ACBD6: variants seen among roughly 807,000 people sequenced by gnomAD.
ACBD6 encodes acyl-CoA binding domain containing 6.
In ACBD6, 28 loss-of-function variants were observed where a neutral mutation model predicts 37.2. The observed-to-expected ratio is 0.75, with a 90% CI of 0.56 to 1.03. The LOEUF is 1.03. ACBD6 is among the 50% of genes least tolerant of loss of function. ACBD6 has a pLI of 0.00. For synonymous variants in ACBD6, 113 were observed against 126.8 expected (o/e 0.89, Z 0.73); for missense variants, 340 against 337.4 (o/e 1.01, Z -0.06).
intron 1 of ACBD6, among the ~76,000 whole-genome samples, chr1:180,498,144 C>A (rs1651806420): frequency 6.6e-6 from 1 of 152,140 alleles, no homozygotes; most frequent in African/African-American, 2.4e-5. Flanking sequence ...TAACAGCAAA[C>A]GTTCACATTC....
intron 7 of ACBD6, among the ~76,000 whole-genome samples, chr1:180,292,379 CTT>C: frequency 6.6e-6 from 1 of 152,212 alleles, no homozygotes; most frequent in South Asian, 2.1e-4. Flanking sequence ...AAATCTTACT[CTT>C]ATTTTGTTTG....
intron 6 of ACBD6, among the ~76,000 whole-genome samples, chr1:180,353,793 A>AAAAT: frequency 6.7e-6 from 1 of 148,854 alleles, no homozygotes; most frequent in Non-Finnish European, 1.5e-5. Context: ...CACAAAAAAA[A>AAAAT]AAAAAAAAAA....
chr1:180,411,475 T>TGATC (rs1647854184), intron 5 of ACBD6, among the ~76,000 whole-genome samples: 1 of 152,152 alleles, frequency 6.6e-6, no homozygotes, highest in South Asian at 2.1e-4. Flanking sequence ...ACTACCACTG[T>TGATC]GATCGGTCAG....
intron 3 of ACBD6, among the ~76,000 whole-genome samples, chr1:180,436,110 C>T (rs1370233032): frequency 6.6e-6 from 1 of 152,144 alleles, no homozygotes; most frequent in African/African-American, 2.4e-5. Flanking sequence ...TTCAGAGGTA[C>T]AGAAGAAAAC....
chr1:180,300,374 T>C (rs1650084485), intron 7 of ACBD6, among the ~76,000 whole-genome samples: 1 of 152,194 alleles, frequency 6.6e-6, no homozygotes, highest in Non-Finnish European at 1.5e-5. Context: ...TGGCATATAA[T>C]AGGTGCTTAA....
chr1:180,425,013 C>T (rs1032434050), intron 4 of ACBD6, among the ~76,000 whole-genome samples: 7 of 152,156 alleles, frequency 4.6e-5, no homozygotes, highest in Non-Finnish European at 1.0e-4. Context: ...ATTATCTCTT[C>T]GCTTTAATCG....
intron 6 of ACBD6, among the ~76,000 whole-genome samples, chr1:180,364,021 T>C (rs574518022): frequency 6.6e-6 from 1 of 152,196 alleles, no homozygotes; most frequent in South Asian, 2.1e-4. Flanking sequence ...AAGATGTGTC[T>C]AAGCCTTTTT....
chr1:180,281,736 T>C (rs1233248860), intron 8 of ACBD6, among the ~76,000 whole-genome samples: 4 of 152,156 alleles, frequency 2.6e-5, no homozygotes, highest in Non-Finnish European at 5.9e-5. Flanking sequence ...CAGCCACTAC[T>C]GTGGAGAAGT....
chr1:180,381,446 A>G (rs1269205945), intron 6 of ACBD6, among the ~76,000 whole-genome samples: 3 of 152,240 alleles, frequency 2.0e-5, no homozygotes, highest in Non-Finnish European at 4.4e-5. Flanking sequence ...AAAATTCTCC[A>G]GGACAGACCA....
At chr1:180,383,382 C>T (rs536221848) in intron 6 of ACBD6, among the ~76,000 whole-genome samples, 2 of 152,192 alleles carry the variant, frequency 1.3e-5, no homozygotes, top group South Asian at 4.1e-4. Context: ...AGTAGGGTTT[C>T]CGTACCCCAA....
chr1:180,378,622 T>C (rs771834752), intron 6 of ACBD6, among the ~76,000 whole-genome samples: 3 of 152,228 alleles, frequency 2.0e-5, no homozygotes, highest in Non-Finnish European at 4.4e-5. Context: ...AATTCCAGTG[T>C]AAACTGTTAA....
intron 6 of ACBD6, among the ~76,000 whole-genome samples, chr1:180,317,029 G>A (rs950154304): frequency 2.0e-5 from 3 of 152,176 alleles, no homozygotes; most frequent in Non-Finnish European, 1.5e-5. Flanking sequence ...GCAAATCACA[G>A]CACTGGTCAT....
At chr1:180,355,523 AT>A (rs1553297302) in intron 6 of ACBD6, among the ~76,000 whole-genome samples, 2 of 152,024 alleles carry the variant, frequency 1.3e-5, no homozygotes, top group Admixed American at 6.6e-5. Flanking sequence ...AGAGCTCATT[AT>A]TTTTTTGCCC....
intron 3 of ACBD6, among the ~76,000 whole-genome samples, chr1:180,487,158 T>C (rs377746681): frequency 6.6e-6 from 1 of 152,178 alleles, no homozygotes; most frequent in African/African-American, 2.4e-5. Flanking sequence ...AAGGACATTA[T>C]CATTATAATG....
intron 6 of ACBD6, among the ~76,000 whole-genome samples, chr1:180,377,359 G>T (rs1488994009): frequency 1.3e-5 from 2 of 152,122 alleles, no homozygotes; most frequent in Non-Finnish European, 2.9e-5. Flanking sequence ...TGGCCATTAA[G>T]AGAACCAAGA....
At chr1:180,486,051 A>G (rs1651252064) in intron 3 of ACBD6, among the ~76,000 whole-genome samples, 1 of 152,068 alleles carries the variant, frequency 6.6e-6, no homozygotes, top group South Asian at 2.1e-4. Flanking sequence ...ATCTACTATG[A>G]GCCCCGAGTG....
At chr1:180,448,498 C>CTTT (rs1649563373) in intron 3 of ACBD6, among the ~76,000 whole-genome samples, 2 of 152,096 alleles carry the variant, frequency 1.3e-5, no homozygotes, top group African/African-American at 4.8e-5. Flanking sequence ...TCTGGTTCTT[C>CTTT]TTTTTCCTTT....
At chr1:180,397,654 T>C (rs1179410177) in intron 5 of ACBD6, 49 bp from the exon 6 acceptor site, 4 of 1,412,120 alleles carry the variant, frequency 2.8e-6, no homozygotes, top group African/African-American at 1.4e-5. Flanking sequence ...TGTGGAGCCA[T>C]GTAAAAGATA....
chr1:180,421,666 GTTTT>G (rs1424464198), intron 4 of ACBD6, among the ~76,000 whole-genome samples: 6 of 152,074 alleles, frequency 3.9e-5, no homozygotes, highest in Admixed American at 3.9e-4. Flanking sequence ...AGAATCTGTT[GTTTT>G]TTGACTTTTT....
Sources: allele counts gnomAD v4.1 joint callset (sites outside exome capture counted in the v4.1 genomes callset), GRCh38; gene constraint gnomAD v4.1.1; transcripts MANE v1.5; gene names NCBI Gene and HGNC (gene_info 2026-07-23, HGNC 2026-07-21).